ACSBG1: variants seen among roughly 807,000 people sequenced by gnomAD.
ACSBG1 encodes long-chain-fatty-acid--CoA ligase ACSBG1.
In ACSBG1, 39 loss-of-function variants were observed where a neutral mutation model predicts 80.2. That is an observed-to-expected ratio of 0.49 (90% confidence interval 0.38 to 0.64). The LOEUF (loss-of-function observed/expected upper bound fraction) is 0.64, where lower values mean the gene tolerates loss of function less well. ACSBG1 is among the 30% of genes least tolerant of loss of function. The pLI, the probability that ACSBG1 is intolerant of heterozygous loss-of-function variation, is 0.00. For synonymous variants in ACSBG1, 392 were observed against 379.5 expected (o/e 1.03, Z -0.38); for missense variants, 828 against 966.4 (o/e 0.86, Z 1.90).
chr15:78,216,573 G>A (rs72732595), intron 1 of ACSBG1, among the ~76,000 whole-genome samples: 6,825 of 152,206 alleles, frequency 0.045, 192 homozygotes, highest in Middle Eastern at 0.085. Flanking sequence ...GAAAGGGTGA[G>A]GGCAGGGGTG....
intron 1 of ACSBG1, among the ~76,000 whole-genome samples, chr15:78,210,843 G>A (rs888498604): frequency 2.6e-5 from 4 of 152,080 alleles, no homozygotes; most frequent in African/African-American, 4.8e-5. Flanking sequence ...CCAACTCCTG[G>A]GCTCAAGCGA....
chr15:78,171,359 G>T lies in ACSBG1; in HGVS notation c.*85C>A. 1 of 1,145,784 alleles carries T rather than the reference G, an allele frequency of 8.7e-7. No individual in the cohort carries two copies. The highest frequency in any genetic ancestry group is 1.3e-6 in the Non-Finnish European group (1 of 780,374). 71.0% of individuals were successfully genotyped at this position (1,145,784 alleles called of 1,614,324 possible). A position where few individuals can be genotyped will look rare whatever the true frequency, so the allele number is the denominator to read the frequency against. ...TAACAGACTTGGCAGAAATGCCTGT[G>T]CCCAGACTGAAGAGACCTGGGGCTC... On this transcript the variant is annotated 3_prime_UTR_variant, in exon 14 of 14. Transcript: ENST00000258873.
At position 78,193,983 on chromosome 15, in the gene ACSBG1, C is replaced by T. The variant is rs935476084; in HGVS notation, c.491G>A (p.Gly164Asp). ...GAAGAACCACTCCGGGGAGTTGAAG[C>T]CGAGGATGGCCACACTGTGGGCCTG... ...LKQAHSVAIL[G>D]FNSPEWFFSA... The change falls in exon 4 of 14, where the codon GGC becomes GAC. Residue 164 changes from glycine to aspartate, a missense_variant. This residue lies in a region of ACSBG1 where 356 missense variants were observed against 363.5 expected (regional missense o/e 0.98). Coordinates refer to ENST00000258873, the MANE Select transcript of ACSBG1 (RefSeq NM_015162.5). 1 of 1,614,008 alleles carries T rather than the reference C, an allele frequency of 6.2e-7. No homozygotes were observed. Among genetic ancestry groups the T allele is most frequent in the Non-Finnish European group, 8.5e-7 (1 of 1,180,014 alleles).
rs374499146 is a variant in ACSBG1 at position 78,225,659 on chromosome 15, AAC to A, written c.131+8710_131+8711del. On this transcript the variant is annotated intron_variant, in intron 1 of 13. Transcript: ENST00000258873. ...TCAATTTACTCCCAGTCAAATTTCAAACAGTCTTTTTTTAATCAACTGACAAG... is the reference window on the plus strand; with the variant it reads ...TCAATTTACTCCCAGTCAAATTTCAAAGTCTTTTTTTAATCAACTGACAAG... Among the ~76,000 whole-genome samples the A allele has an allele frequency of 4.1e-4, 63 of 152,242 alleles. No homozygotes were observed. The East Asian group carries it at 7.9e-3, about 19-fold the overall frequency.
chr15:78,229,228 C>T (rs2075427780), intron 1 of ACSBG1, among the ~76,000 whole-genome samples: 1 of 152,150 alleles, frequency 6.6e-6, no homozygotes, highest in Admixed American at 6.5e-5. Flanking sequence ...AGCGCAATGC[C>T]TGATTATTCT....
intron 7 of ACSBG1, 96 bp from the exon 8 acceptor site, chr15:78,182,241 GC>G: frequency 1.4e-6 from 2 of 1,455,744 alleles, no homozygotes; most frequent in East Asian, 2.3e-5. Context: ...CCAGTGTGGT[GC>G]CCCCTGTGGC....
At chr15:78,193,755 C>G in intron 4 of ACSBG1, 129 bp from the exon 5 acceptor site, 1 of 1,444,468 alleles carries the variant, frequency 6.9e-7, no homozygotes, top group Non-Finnish European at 9.3e-7. Context: ...TCCCAAGGCA[C>G]CTGAGCACCT....
At chr15:78,195,155 G>A (rs113222235) in intron 2 of ACSBG1, among the ~76,000 whole-genome samples, 124 of 152,166 alleles carry the variant, frequency 8.1e-4, no homozygotes, top group Middle Eastern at 3.2e-3. Context: ...AAGCACCAAA[G>A]AGAACGACCC....
At position 78,182,501 on chromosome 15, in the gene ACSBG1, C is replaced by T; in HGVS notation, c.859G>A (p.Gly287Arg). 1 of 1,614,210 alleles carries T rather than the reference C, an allele frequency of 6.2e-7. No individual in the cohort carries two copies. Among genetic ancestry groups the T allele is most frequent in the Non-Finnish European group, 8.5e-7 (1 of 1,180,034 alleles). The part of the protein sequence containing the change: ...CVLVYTSGTT[G>R]NPKGVMLSQD... ...CTCAGCATCACGCCCTTGGGGTTCC[C>T]AGTGGTGCCGGAAGTGTAGACTAGC... is the stretch of plus-strand genomic sequence containing the variant. The change falls in exon 7 of 14, where the codon GGG (glycine) becomes AGG (arginine). Residue 287 changes from glycine to arginine, a missense_variant. Coordinates refer to ENST00000258873, the MANE Select transcript of ACSBG1 (RefSeq NM_015162.5).
intron 1 of ACSBG1, among the ~76,000 whole-genome samples, chr15:78,212,944 G>A (rs936896834): frequency 2.0e-5 from 3 of 152,164 alleles, no homozygotes; most frequent in Non-Finnish European, 2.9e-5. Flanking sequence ...GCCAACTGAT[G>A]AGCAAATAAA....
intron 2 of ACSBG1, among the ~76,000 whole-genome samples, chr15:78,200,477 C>A (rs1394782133): frequency 6.6e-6 from 1 of 152,136 alleles, no homozygotes; most frequent in East Asian, 1.9e-4. Flanking sequence ...AGGCCCCGAT[C>A]ATCTCTTGCT....
intron 1 of ACSBG1, among the ~76,000 whole-genome samples, chr15:78,220,436 G>T (rs1317249087): frequency 6.6e-6 from 1 of 151,956 alleles, no homozygotes; most frequent in African/African-American, 2.4e-5. Context: ...TTTAGATAAG[G>T]TTAAAAAGCG....
At chr15:78,202,500 C>T (rs1369354066) in intron 2 of ACSBG1, among the ~76,000 whole-genome samples, 3 of 152,194 alleles carry the variant, frequency 2.0e-5, no homozygotes, top group African/African-American at 7.2e-5. Flanking sequence ...TGAGCCACCA[C>T]TCCCGGCCTC....
At chr15:78,182,221 G>T in intron 7 of ACSBG1, 76 bp from the exon 8 acceptor site, 1 of 1,543,722 alleles carries the variant, frequency 6.5e-7, no homozygotes, top group East Asian at 2.3e-5. Flanking sequence ...GGCCACCCTG[G>T]GGGCCAGCCC....
At chr15:78,196,030 G>A (rs1390529432) in intron 2 of ACSBG1, among the ~76,000 whole-genome samples, 4 of 152,222 alleles carry the variant, frequency 2.6e-5, no homozygotes, top group Non-Finnish European at 2.9e-5. Context: ...CGGAAGTAGG[G>A]ATGACAAGGA....
At chr15:78,208,514 C>T (rs1360686960) in intron 1 of ACSBG1, among the ~76,000 whole-genome samples, 2 of 152,196 alleles carry the variant, frequency 1.3e-5, no homozygotes, top group African/African-American at 4.8e-5. Context: ...GGCGGGGGTT[C>T]CCCCATCTGT....
At chr15:78,188,379 C>T (rs2141340393) in intron 5 of ACSBG1, among the ~76,000 whole-genome samples, 1 of 151,888 alleles carries the variant, frequency 6.6e-6, no homozygotes, top group Admixed American at 6.5e-5. Context: ...CAATCCTAAG[C>T]CAAAAGAACA....
At chr15:78,185,252 T>C (rs2074989947) in intron 5 of ACSBG1, among the ~76,000 whole-genome samples, 1 of 152,144 alleles carries the variant, frequency 6.6e-6, no homozygotes. Context: ...CATCTGCTCA[T>C]GCATAGGGTG....
In ACSBG1 at chr15:78,229,077, T is replaced by C. The variant is rs934110117; in HGVS notation, c.131+5294A>G. Among the ~76,000 whole-genome samples the C allele has an allele frequency of 4.0e-5, 3 of 75,130 alleles. No individual in the cohort carries two copies. The Admixed American group carries it at 4.9e-4, about 12-fold the overall frequency. The allele number at this position is 75,130 out of a possible 152,430, so 49.3% of individuals were successfully genotyped here. A position where few individuals can be genotyped will look rare whatever the true frequency, so the allele number is the denominator to read the frequency against. The stretch of plus-strand genomic sequence containing the variant: ...TCAGTGGCATTGATTATATTCCCTT[T>C]TTTTTTTTTTATTCATTCATGGCAC... On this transcript the variant is annotated intron_variant, in intron 1 of 13. Coordinates refer to ENST00000258873, the MANE Select transcript of ACSBG1 (RefSeq NM_015162.5).
Sources: allele counts gnomAD v4.1 joint callset (sites outside exome capture counted in the v4.1 genomes callset), GRCh38; gene constraint gnomAD v4.1.1; regional missense constraint gnomAD v4.1.1; transcripts MANE v1.5; gene names NCBI Gene and HGNC (gene_info 2026-07-23, HGNC 2026-07-21).